The following TRAPPC9 variants were observed in gnomAD, a reference collection of about 807,000 sequenced individuals.
The protein encoded by TRAPPC9 is trafficking protein particle complex subunit 9.
Under a neutral mutation model 124.0 loss-of-function variants are expected in TRAPPC9, and 83 were observed. That is an observed-to-expected ratio of 0.67 (90% CI 0.56 to 0.80). TRAPPC9 has a LOEUF of 0.80. Among genes scored for constraint, TRAPPC9 ranks in the 30% least tolerant of loss-of-function variants. The pLI, the probability that TRAPPC9 is intolerant of heterozygous loss-of-function variation, is 0.00. For synonymous variants in TRAPPC9, 638 were observed against 617.5 expected (o/e 1.03, Z -0.49); for missense variants, 1,302 against 1,508.3 (o/e 0.86, Z 2.27).
intron 2 of TRAPPC9, among the ~76,000 whole-genome samples, chr8:140,443,245 C>T (rs1361889665): frequency 4.7e-5 from 7 of 149,212 alleles, no homozygotes; most frequent in Admixed American, 6.7e-5. Flanking sequence ...ACCATCCTGG[C>T]TAACATGATG....
chr8:140,325,129 G>A (rs1179678407), intron 9 of TRAPPC9, among the ~76,000 whole-genome samples: 5 of 152,134 alleles, frequency 3.3e-5, no homozygotes, highest in African/African-American at 1.2e-4. Flanking sequence ...AAAGCGAAAT[G>A]TTAAAAATAT....
intron 17 of TRAPPC9, among the ~76,000 whole-genome samples, chr8:140,204,838 T>A (rs1405067210): frequency 6.6e-6 from 1 of 152,156 alleles, no homozygotes; most frequent in East Asian, 1.9e-4. Flanking sequence ...TTTACAGGAA[T>A]GAAAACAGAC....
At chr8:140,359,824 C>G (rs1237173671) in intron 9 of TRAPPC9, among the ~76,000 whole-genome samples, 2 of 151,978 alleles carry the variant, frequency 1.3e-5, no homozygotes, top group Non-Finnish European at 2.9e-5. Context: ...GGCCGAGGAG[C>G]AGGAGGAGAT....
chr8:139,923,708 C>A (rs34749193), intron 19 of TRAPPC9, among the ~76,000 whole-genome samples: 26,842 of 152,182 alleles, frequency 0.18, 2,386 homozygotes, highest in South Asian at 0.23. Context: ...TAGCACCTGA[C>A]TCAATGCCTC....
chr8:140,374,065 G>A (rs2068363603), intron 7 of TRAPPC9, among the ~76,000 whole-genome samples: 1 of 152,144 alleles, frequency 6.6e-6, no homozygotes, highest in East Asian at 1.9e-4. Flanking sequence ...TGCCTTCTAT[G>A]TCCTCATCTG....
chr8:140,234,567 G>GA (rs2063684446), intron 16 of TRAPPC9, among the ~76,000 whole-genome samples: 1 of 151,896 alleles, frequency 6.6e-6, no homozygotes, highest in Admixed American at 6.6e-5. Context: ...GGAAGACAGA[G>GA]AAAAAAAAGA....
At chr8:139,959,998 G>A (rs1458761699) in intron 19 of TRAPPC9, among the ~76,000 whole-genome samples, 5 of 152,220 alleles carry the variant, frequency 3.3e-5, no homozygotes, top group Admixed American at 1.3e-4. Flanking sequence ...CTCACAGACT[G>A]AGCACCTGTG....
chr8:140,374,144 T>C (rs184081384), intron 7 of TRAPPC9, among the ~76,000 whole-genome samples: 5 of 152,386 alleles, frequency 3.3e-5, no homozygotes, highest in Admixed American at 6.5e-5. Flanking sequence ...TCTAGGTCTA[T>C]GGTCCGTGAA....
At chr8:140,292,607 G>C (rs1031680827) in intron 11 of TRAPPC9, among the ~76,000 whole-genome samples, 2 of 152,204 alleles carry the variant, frequency 1.3e-5, no homozygotes, top group Non-Finnish European at 2.9e-5. Flanking sequence ...CTGGCATGTT[G>C]ACATTGCATA....
intron 18 of TRAPPC9, among the ~76,000 whole-genome samples, chr8:139,996,550 A>G (rs945802097): frequency 2.0e-5 from 3 of 152,178 alleles, no homozygotes; most frequent in African/African-American, 7.2e-5. Context: ...TAAAACAGAA[A>G]AAAAAAACAC....
intron 21 of TRAPPC9, among the ~76,000 whole-genome samples, chr8:139,790,458 C>T (rs1395484284): frequency 2.6e-5 from 4 of 152,216 alleles, no homozygotes; most frequent in Admixed American, 6.5e-5. Context: ...CCGGTGCTCA[C>T]AGGGGAAGGC....
chr8:139,775,747 T>A lies in TRAPPC9; in HGVS notation c.3056-43545A>T, dbSNP rs540928567. On this transcript the variant is annotated intron_variant, in intron 21 of 22. Coordinates refer to ENST00000438773, the MANE Select transcript of TRAPPC9 (RefSeq NM_001160372.4). ...CCACTTCCCTCTTTTCGTGTTGCCC[T>A]ACAAGGTGAAGCCCAAATTCTGGAG... Among the ~76,000 whole-genome samples the A allele has an allele frequency of 3.3e-5, 5 of 152,276 alleles. No individual in the cohort carries two copies. In the South Asian group the frequency reaches 8.3e-4, roughly 25 times the overall value.
intron 17 of TRAPPC9, among the ~76,000 whole-genome samples, chr8:140,168,895 A>T (rs2061905058): frequency 1.3e-5 from 2 of 152,196 alleles, no homozygotes; most frequent in South Asian, 2.1e-4. Context: ...TTCTATGGGG[A>T]GATGCACCAG....
chr8:140,102,961 A>T (rs1342611923), intron 17 of TRAPPC9, among the ~76,000 whole-genome samples: 1 of 152,192 alleles, frequency 6.6e-6, no homozygotes, highest in Non-Finnish European at 1.5e-5. Context: ...CGCCAGGATC[A>T]TGTCTGACTT....
intron 9 of TRAPPC9, among the ~76,000 whole-genome samples, chr8:140,330,352 G>T (rs2066864271): frequency 6.6e-6 from 1 of 152,164 alleles, no homozygotes; most frequent in African/African-American, 2.4e-5. Flanking sequence ...CAAACCAGGA[G>T]ATATGGAAGA....
chr8:140,263,355 A>G (rs1160280799), intron 15 of TRAPPC9, among the ~76,000 whole-genome samples: 1 of 152,178 alleles, frequency 6.6e-6, no homozygotes, highest in Non-Finnish European at 1.5e-5. Context: ...TCCCCAAGGC[A>G]CAACACCTGA....
At chr8:140,431,153 T>C (rs1291097947) in intron 4 of TRAPPC9, among the ~76,000 whole-genome samples, 1 of 151,854 alleles carries the variant, frequency 6.6e-6, no homozygotes, top group Non-Finnish European at 1.5e-5. Flanking sequence ...AAATTATGGG[T>C]ATAAGAACTA....
intron 9 of TRAPPC9, among the ~76,000 whole-genome samples, chr8:140,330,256 T>C (rs1051084277): frequency 3.3e-5 from 5 of 152,060 alleles, no homozygotes; most frequent in African/African-American, 1.2e-4. Flanking sequence ...TTTTCTTCAT[T>C]CTGCATATAC....
intron 21 of TRAPPC9, among the ~76,000 whole-genome samples, chr8:139,750,170 G>T (rs1228349064): frequency 6.6e-6 from 1 of 152,142 alleles, no homozygotes; most frequent in East Asian, 1.9e-4. Context: ...ACCAGGGGTT[G>T]CCCAACCTCC....
Sources: gnomAD v4.1 joint callset for allele counts (sites outside exome capture counted in the v4.1 genomes callset) on GRCh38, gnomAD v4.1.1 for gene constraint, MANE v1.5 for transcripts, NCBI Gene and HGNC (gene_info 2026-07-23, HGNC 2026-07-21) for gene names.